TP63: variants seen among roughly 807,000 people sequenced by gnomAD.
TP63 encodes the protein tumor protein p63.
TP63 carries 17 observed loss-of-function variants against 82.8 expected under a neutral mutation model. That is an observed-to-expected ratio of 0.21 (90% CI 0.14 to 0.31). The LOEUF is 0.31. TP63 is among the 10% of genes least tolerant of loss of function. The pLI is 1.00. For synonymous variants in TP63, 330 were observed against 321.7 expected, an observed-to-expected ratio of 1.03 and a Z score of -0.28; for missense variants, 648 against 895.3, an observed-to-expected ratio of 0.72 and a Z score of 3.52.
chr3:189,758,734 A>C (rs190076067), intron 3 of TP63, among the ~76,000 whole-genome samples: 118 of 152,322 alleles, frequency 7.7e-4, no homozygotes, highest in African/African-American at 2.7e-3. Context: ...AGACCCATAC[A>C]GTTTGGTTGC....
chr3:189,631,285 G>A (rs753071657), upstream of TP63: 53 of 1,333,634 alleles, frequency 4.0e-5, no homozygotes, highest in Non-Finnish European at 4.6e-5. Flanking sequence ...GGTAAGAATC[G>A]AGTGTTTATG....
chr3:189,808,176 A>G (rs1727124732), intron 3 of TP63, 96 bp from the exon 4 acceptor site: 5 of 1,604,986 alleles, frequency 3.1e-6, no homozygotes, highest in Admixed American at 1.7e-5. Context: ...CGTGAGGTCC[A>G]TCTCTGTAGA....
intron 3 of TP63, among the ~76,000 whole-genome samples, chr3:189,756,936 T>C (rs1357702181): frequency 6.6e-6 from 1 of 152,186 alleles, no homozygotes; most frequent in Non-Finnish European, 1.5e-5. Flanking sequence ...TGACCTTGCA[T>C]CCTCTTAAAA....
intron 3 of TP63, among the ~76,000 whole-genome samples, chr3:189,765,306 GT>G (rs796573474): frequency 1.9e-4 from 28 of 151,158 alleles, no homozygotes; most frequent in East Asian, 1.9e-4. Flanking sequence ...CCCGTATATT[GT>G]TTTTTTCCCC....
chr3:189,672,041 T>A (rs2108674755), intron 1 of TP63, among the ~76,000 whole-genome samples: 1 of 152,226 alleles, frequency 6.6e-6, no homozygotes, highest in East Asian at 1.9e-4. Flanking sequence ...GAAGAGAAGA[T>A]TTTTGAATGT....
chr3:189,629,788 A>G (rs769556141), upstream of TP63, among the ~76,000 whole-genome samples: 16 of 152,200 alleles, frequency 1.1e-4, no homozygotes, highest in Non-Finnish European at 2.2e-4. Context: ...AAATGGAATC[A>G]CTTGGCTGTG....
At position 189,894,394 on chromosome 3, in the gene TP63, C is replaced by T. The variant is rs2108874329; in HGVS notation, c.1935C>T (p.Thr645=). ...GTGTTATTGATGCTGTGCGATTCACCCTCCGCCAGACCATCTCTTTCCCAC... is the reference window on the plus strand; with the variant it reads ...GTGTTATTGATGCTGTGCGATTCACTCTCCGCCAGACCATCTCTTTCCCAC... ...GERVIDAVRF[T]LRQTISFPPR... The change falls in exon 14 of 14, where the codon ACC becomes ACT. Residue 645 remains threonine (T), a synonymous_variant. Transcript: ENST00000264731. The T allele has an allele frequency of 6.2e-7, 1 of 1,613,960 alleles. No homozygotes were observed. The highest frequency in any genetic ancestry group is 8.5e-7 in the Non-Finnish European group (1 of 1,179,984).
intron 4 of TP63, among the ~76,000 whole-genome samples, chr3:189,839,499 T>G (rs966898256): frequency 1.3e-5 from 2 of 152,210 alleles, no homozygotes; most frequent in Non-Finnish European, 2.9e-5. Flanking sequence ...AGGCCTTCTA[T>G]TTTTATTTCA....
the TP63 span, among the ~76,000 whole-genome samples, chr3:189,613,074 G>A: frequency 2.4e-4 from 37 of 152,220 alleles, no homozygotes; most frequent in African/African-American, 6.3e-4. Context: ...AATTCAAGCC[G>A]GCTGTAGAAA....
the TP63 span, among the ~76,000 whole-genome samples, chr3:189,603,941 AG>A: frequency 5.3e-5 from 8 of 152,158 alleles, no homozygotes; most frequent in African/African-American, 9.7e-5. Flanking sequence ...AGCCCCCAAA[AG>A]TTAACACTCC....
chr3:189,773,818 C>G (rs570288377), intron 3 of TP63, among the ~76,000 whole-genome samples: 1 of 151,266 alleles, frequency 6.6e-6, no homozygotes, highest in Non-Finnish European at 1.5e-5. Flanking sequence ...CCCATGCTGT[C>G]TCTGGCCTTT....
rs1553859655 is a variant in TP63, at chr3:189,875,609, T to TATATATAC, written c.1349+2621_1349+2622insCATATATA. ...AAATACATACATATATATATATATATATATATATATATATATATATATATA... is the reference window on the plus strand; with the variant it reads ...AAATACATACATATATATATATATATATATATACATATATATATATATATATATATATA... On this transcript the variant is annotated intron_variant, in intron 10 of 13. Transcript: ENST00000264731. 7.3e-3 allele frequency among the ~76,000 whole-genome samples: 462 copies of TATATATAC among 62,962 alleles called. 24 individuals are homozygous for TATATATAC. The highest frequency in any genetic ancestry group is 0.023 in the African/African-American group (417 of 18,238). The allele number at this position is 62,962 out of a possible 152,430, so 41.3% of individuals were successfully genotyped here.
intron 1 of TP63, among the ~76,000 whole-genome samples, chr3:189,698,883 T>G (rs1025655802): frequency 6.6e-6 from 1 of 152,178 alleles, no homozygotes; most frequent in Non-Finnish European, 1.5e-5. Context: ...GAAATTACAG[T>G]GTATGACAGG....
At chr3:189,834,097 G>C (rs1712768154) in intron 4 of TP63, among the ~76,000 whole-genome samples, 1 of 152,154 alleles carries the variant, frequency 6.6e-6, no homozygotes, top group Admixed American at 6.5e-5. Context: ...TTAGGTATGA[G>C]GGAGACAAGA....
chr3:189,687,286 A>G (rs1716525037), intron 1 of TP63, among the ~76,000 whole-genome samples: 1 of 152,148 alleles, frequency 6.6e-6, no homozygotes. Flanking sequence ...TTTCTAGGTG[A>G]GTTTTCACAT....
chr3:189,691,200 G>A (rs556290412), intron 1 of TP63, among the ~76,000 whole-genome samples: 52 of 151,556 alleles, frequency 3.4e-4, no homozygotes, highest in African/African-American at 1.1e-3. Context: ...TTAGCCGGGC[G>A]TGGTGGTGCA....
At chr3:189,732,748 G>C (rs1458171630) in intron 1 of TP63, among the ~76,000 whole-genome samples, 3 of 152,182 alleles carry the variant, frequency 2.0e-5, no homozygotes, top group Non-Finnish European at 4.4e-5. Flanking sequence ...TCCAAAACTT[G>C]CAATTCTTCA....
upstream of TP63, among the ~76,000 whole-genome samples, chr3:189,626,660 G>C (rs6790731): frequency 0.79 from 119,723 of 152,200 alleles, 48,101 homozygotes; most frequent in East Asian, 0.91. Flanking sequence ...CATCAGTCCA[G>C]ATGATCAGGC....
intron 4 of TP63, among the ~76,000 whole-genome samples, chr3:189,847,458 T>C (rs1201224744): frequency 2.6e-5 from 4 of 152,226 alleles, no homozygotes; most frequent in Non-Finnish European, 5.9e-5. Flanking sequence ...TAGCTCAAGA[T>C]TTGGGGGGAT....
Sources: gnomAD v4.1 joint callset for allele counts (sites outside exome capture counted in the v4.1 genomes callset) on GRCh38, gnomAD v4.1.1 for gene constraint, MANE v1.5 for transcripts, NCBI Gene and HGNC (gene_info 2026-07-23, HGNC 2026-07-21) for gene names.